Variants in MYO6 observed in about 807,000 individuals in gnomAD.
The protein encoded by MYO6 is unconventional myosin-VI.
In MYO6, 74 loss-of-function variants were observed where a neutral mutation model predicts 178.7. The observed-to-expected ratio is 0.41, with a 90% CI of 0.34 to 0.50. MYO6 has a LOEUF of 0.50. Ranked by LOEUF, MYO6 falls within the 20% of genes least tolerant of loss-of-function variation. The probability of loss-of-function intolerance (pLI) is 0.09; values close to 1 mark genes in which losing one functional copy is unlikely to be tolerated. For missense variants in MYO6, 1,330 were observed against 1,547.4 expected, an observed-to-expected ratio of 0.86 and a Z score of 2.36; for synonymous variants, 477 against 504.6, an observed-to-expected ratio of 0.95 and a Z score of 0.73.
chr6:75,850,829 A>G (rs1434059515), intron 11 of MYO6, among the ~76,000 whole-genome samples: 1 of 152,202 alleles, frequency 6.6e-6, no homozygotes, highest in African/African-American at 2.4e-5. Flanking sequence ...TCTGGCACAT[A>G]GTAATCATTA....
intron 1 of MYO6, among the ~76,000 whole-genome samples, chr6:75,790,882 G>A (rs912152979): frequency 6.6e-6 from 1 of 152,092 alleles, no homozygotes; most frequent in African/African-American, 2.4e-5. Flanking sequence ...CAGATGTCAT[G>A]ACATTTTTAA....
intron 1 of MYO6, among the ~76,000 whole-genome samples, chr6:75,753,991 A>G (rs1033926031): frequency 3.3e-5 from 5 of 152,236 alleles, no homozygotes; most frequent in Non-Finnish European, 7.3e-5. Context: ...TGAAGCATAA[A>G]AAGTAAAACC....
chr6:75,834,960 A>C (rs1278343342), intron 6 of MYO6, among the ~76,000 whole-genome samples: 1 of 152,208 alleles, frequency 6.6e-6, no homozygotes, highest in African/African-American at 2.4e-5. Context: ...ATGAACAAAA[A>C]GTTAAGGAGT....
At chr6:75,780,537 C>T (rs1766866296) in intron 1 of MYO6, among the ~76,000 whole-genome samples, 1 of 152,054 alleles carries the variant, frequency 6.6e-6, no homozygotes, top group Non-Finnish European at 1.5e-5. Flanking sequence ...AAGGTATATG[C>T]TGGATTTGAA....
intron 19 of MYO6, 85 bp downstream of exon 19, chr6:75,870,770 G>A (rs189724352): frequency 1.9e-6 from 2 of 1,059,560 alleles, no homozygotes; most frequent in Admixed American, 2.1e-5. Flanking sequence ...TAGTAACCCT[G>A]TACTAATTAA....
At position 75,890,196 on chromosome 6, in the gene MYO6, T is replaced by G. The variant is rs764005894; in HGVS notation, c.2798T>G (p.Met933Arg). Residue 933 changes from methionine (M) to arginine (R), a missense_variant, in exon 26 of 35, where the codon ATG (methionine) becomes AGG (arginine). This residue lies in a region of MYO6 where 601 missense variants were observed against 626.1 expected (regional missense o/e 0.96). Coordinates refer to ENST00000369977, the MANE Select transcript of MYO6 (RefSeq NM_004999.4). ...AGGCTGAGGCGTATTCAAGAAGAAATGGAAAAGGAAAGAAAAAGACGTGAA... is the reference window on the plus strand; with the variant it reads ...AGGCTGAGGCGTATTCAAGAAGAAAGGGAAAAGGAAAGAAAAAGACGTGAA... ...AERLRRIQEE[M>R]EKERKRREED... The G allele has an allele frequency of 2.5e-6, 4 of 1,607,550 alleles. No individual in the cohort carries two copies. The highest frequency in any genetic ancestry group is 3.4e-6 in the Non-Finnish European group (4 of 1,177,000).
At chr6:75,755,856 A>G (rs535848522) in intron 1 of MYO6, among the ~76,000 whole-genome samples, 1 of 152,330 alleles carries the variant, frequency 6.6e-6, no homozygotes, top group East Asian at 1.9e-4. Context: ...GAATTAAGTT[A>G]ATTATAGACT....
chr6:75,790,304 C>A (rs1468217406), intron 1 of MYO6, among the ~76,000 whole-genome samples: 1 of 151,992 alleles, frequency 6.6e-6, no homozygotes, highest in African/African-American at 2.4e-5. Context: ...TGTGTAAATT[C>A]CATCTTCATT....
At chr6:75,833,109 C>T (rs930637463) in intron 6 of MYO6, among the ~76,000 whole-genome samples, 162 bp downstream of exon 6, 46 of 152,320 alleles carry the variant, frequency 3.0e-4, no homozygotes, top group African/African-American at 8.9e-4. Flanking sequence ...ACCTCATTCT[C>T]CCGAATGGCT....
At position 75,812,754 on chromosome 6, in the gene MYO6, A is replaced by G. The variant is rs571210394; in HGVS notation, c.-47-4747A>G. ...ATTTAATGTAATGACCTCCAGTTCCATCCATGTTGTTGTAAATGACAGGAT... is the reference window on the plus strand; with the variant it reads ...ATTTAATGTAATGACCTCCAGTTCCGTCCATGTTGTTGTAAATGACAGGAT... On this transcript the variant is annotated intron_variant, in intron 1 of 34. Transcript: ENST00000369977. 2.6e-5 allele frequency among the ~76,000 whole-genome samples: 4 copies of G among 152,172 alleles called. No homozygotes were observed. The East Asian group carries it at 5.8e-4, about 22-fold the overall frequency.
At chr6:75,776,333 A>C (rs1766381971) in intron 1 of MYO6, among the ~76,000 whole-genome samples, 1 of 152,242 alleles carries the variant, frequency 6.6e-6, no homozygotes, top group Non-Finnish European at 1.5e-5. Flanking sequence ...AGATTGGGCT[A>C]GTCAAGGACT....
rs121912558 is a variant in MYO6, at chr6:75,914,119, C to T, written c.3496C>T (p.Arg1166Ter). 3.1e-6 allele frequency: 5 copies of T among 1,614,064 alleles called. No homozygotes were observed. Among genetic ancestry groups the T allele is most frequent in the Non-Finnish European group, 4.2e-6 (5 of 1,180,020 alleles). Residue 1166 changes from arginine to a stop codon, truncating the protein, a stop_gained, in exon 34 of 35, where the codon CGA becomes TGA. Transcript: ENST00000369977. LOFTEE classifies it high-confidence loss of function. ...CAGGCAGCGGGAGATTGAAATGAAC[C>T]GACAGCAACGCTTCTTCCGCATCCC... is the stretch of plus-strand genomic sequence containing the variant. ...PARQREIEMNRQQRFFRIPFI... is the reference protein window; with the variant it reads ...PARQREIEMN
chr6:75,788,364 A>C (rs866431850), intron 1 of MYO6, among the ~76,000 whole-genome samples: 1 of 152,082 alleles, frequency 6.6e-6, no homozygotes, highest in Non-Finnish European at 1.5e-5. Flanking sequence ...ACTCATCTCA[A>C]AATAAACAAA....
rs185511776 is a variant in MYO6, at chr6:75,855,820, G to C, written c.1223+537G>C. 3.6e-3 allele frequency among the ~76,000 whole-genome samples: 542 copies of C among 152,052 alleles called. 3 individuals are homozygous for C. Among genetic ancestry groups the C allele is most frequent in the African/African-American group, 0.012 (518 of 41,482 alleles). On this transcript the variant is annotated intron_variant, in intron 12 of 34. Coordinates refer to ENST00000369977, the MANE Select transcript of MYO6 (RefSeq NM_004999.4). ...CATGTCCTATATTTTATATATTTTT[G>C]GTTTTGGTACTGTAGAATAAAATTG...
chr6:75,818,255 A>G (rs1771488970), intron 2 of MYO6, among the ~76,000 whole-genome samples: 1 of 152,196 alleles, frequency 6.6e-6, no homozygotes, highest in Non-Finnish European at 1.5e-5. Flanking sequence ...TCTGAGGGAA[A>G]AGTGACTAGG....
chr6:75,867,398 TCC>T, intron 18 of MYO6: 1 of 278,680 alleles, frequency 3.6e-6, no homozygotes, highest in Non-Finnish European at 6.8e-6. Flanking sequence ...ACCTTCTCTT[TCC>T]CATGTGTTTT....
intron 27 of MYO6, among the ~76,000 whole-genome samples, chr6:75,891,963 A>C (rs1191964077): frequency 7.2e-6 from 1 of 138,628 alleles, no homozygotes; most frequent in Non-Finnish European, 1.6e-5. Flanking sequence ...ATCAATAAAT[A>C]TTAATAATTG....
chr6:75,750,964 T>C (rs1776842550), intron 1 of MYO6, among the ~76,000 whole-genome samples: 1 of 152,208 alleles, frequency 6.6e-6, no homozygotes, highest in South Asian at 2.1e-4. Flanking sequence ...GTAGTGGTCA[T>C]GGTACAAAGG....
intron 28 of MYO6, among the ~76,000 whole-genome samples, chr6:75,893,495 AG>A (rs1284227073): frequency 2.0e-5 from 3 of 152,214 alleles, no homozygotes; most frequent in Admixed American, 2.0e-4. Flanking sequence ...GACAAAATAT[AG>A]AGTACAACCA....
Sources: allele counts gnomAD v4.1 joint callset (sites outside exome capture counted in the v4.1 genomes callset), GRCh38; gene constraint gnomAD v4.1.1; regional missense constraint gnomAD v4.1.1; transcripts MANE v1.5; gene names NCBI Gene and HGNC (gene_info 2026-07-23, HGNC 2026-07-21).